ALK: variants seen among roughly 807,000 people sequenced by gnomAD.
ALK encodes ALK receptor tyrosine kinase, also known as ALK tyrosine kinase receptor.
In ALK, 74 loss-of-function variants were observed where a neutral mutation model predicts 163.1. The ratio of observed to expected loss-of-function variants is 0.45; its 90% confidence interval spans 0.38 to 0.55. The LOEUF (loss-of-function observed/expected upper bound fraction) is 0.55, where lower values mean the gene tolerates loss of function less well. Ranked by LOEUF, ALK falls within the 20% of genes least tolerant of loss-of-function variation. The pLI is 0.00. For missense variants in ALK, 2,063 were observed against 2,105.3 expected (o/e 0.98, Z 0.39); for synonymous variants, 960 against 843.2 (o/e 1.14, Z -2.40).
At chr2:29,744,291 A>T (rs2541190) in intron 1 of ALK, among the ~76,000 whole-genome samples, 95,290 of 152,060 alleles carry the variant, frequency 0.63, 34,448 homozygotes, top group East Asian at 0.82. Context: ...CTCTGGGTCT[A>T]CAGTGGTGGG....
intron 1 of ALK, among the ~76,000 whole-genome samples, chr2:29,733,636 C>T (rs948677446): frequency 3.7e-4 from 57 of 152,310 alleles, no homozygotes; most frequent in African/African-American, 1.3e-3. Context: ...AGTAAGTGTT[C>T]AGTCAATGTG....
intron 4 of ALK, among the ~76,000 whole-genome samples, chr2:29,390,467 C>T (rs952530311): frequency 6.6e-6 from 1 of 151,932 alleles, no homozygotes; most frequent in Non-Finnish European, 1.5e-5. Flanking sequence ...TGTGTCTTTG[C>T]TAAGAATCTC....
chr2:29,315,051 C>G (rs1034675536), intron 8 of ALK, among the ~76,000 whole-genome samples: 15 of 152,160 alleles, frequency 9.9e-5, no homozygotes, highest in Non-Finnish European at 4.4e-5. Context: ...AAAATAACAT[C>G]AGAATATATT....
intron 3 of ALK, among the ~76,000 whole-genome samples, chr2:29,643,337 C>T (rs1042139204): frequency 4.6e-5 from 7 of 152,060 alleles, no homozygotes; most frequent in Non-Finnish European, 8.8e-5. Context: ...CTGAACATAA[C>T]AAAGTTGACT....
intron 1 of ALK, among the ~76,000 whole-genome samples, chr2:29,875,209 A>T (rs975069373): frequency 6.6e-6 from 1 of 152,350 alleles, no homozygotes; most frequent in African/African-American, 2.4e-5. Flanking sequence ...ATTCTGATAC[A>T]TGCAAATAAA....
intron 1 of ALK, among the ~76,000 whole-genome samples, chr2:29,903,465 T>C (rs946803688): frequency 1.3e-5 from 2 of 152,166 alleles, no homozygotes; most frequent in Non-Finnish European, 2.9e-5. Context: ...CACTCCCTTG[T>C]CCCTCAGTCC....
chr2:29,213,020 T>C (rs1262728269), intron 24 of ALK, among the ~76,000 whole-genome samples: 3 of 152,228 alleles, frequency 2.0e-5, no homozygotes, highest in Non-Finnish European at 4.4e-5. Flanking sequence ...TTACAACATC[T>C]CTCATTTTCT....
chr2:29,752,877 A>G (rs1267665697), intron 1 of ALK, among the ~76,000 whole-genome samples: 1 of 152,124 alleles, frequency 6.6e-6, no homozygotes, highest in East Asian at 1.9e-4. Flanking sequence ...TGAGACACAC[A>G]AGATTTTGGA....
chr2:29,703,607 C>T (rs895101776), intron 2 of ALK, among the ~76,000 whole-genome samples: 3 of 152,182 alleles, frequency 2.0e-5, no homozygotes, highest in African/African-American at 7.2e-5. Flanking sequence ...TTTGCATAAC[C>T]ATGCCTTTTG....
chr2:29,590,200 T>C (rs1425202102), intron 3 of ALK, among the ~76,000 whole-genome samples: 1 of 152,222 alleles, frequency 6.6e-6, no homozygotes, highest in Admixed American at 6.5e-5. Context: ...ACGCAACTAT[T>C]TAATTTCTCT....
At chr2:29,488,161 G>A (rs367715037) in intron 4 of ALK, among the ~76,000 whole-genome samples, 46 of 152,166 alleles carry the variant, frequency 3.0e-4, no homozygotes, top group African/African-American at 9.9e-4. Flanking sequence ...GACAAAGCAC[G>A]TGCTATTTAT....
intron 5 of ALK, among the ~76,000 whole-genome samples, chr2:29,378,007 C>A (rs1423852227): frequency 6.6e-6 from 1 of 152,184 alleles, no homozygotes; most frequent in Non-Finnish European, 1.5e-5. Context: ...GCCTGGGAAA[C>A]CTCAGATGTG....
chr2:29,671,427 GGAGACGGCA>G (rs951842768), intron 3 of ALK, among the ~76,000 whole-genome samples: 1 of 152,034 alleles, frequency 6.6e-6, no homozygotes, highest in African/African-American at 2.4e-5. Context: ...TTCCATGGCT[GGAGACGGCA>G]GTCCTACCTT....
intron 9 of ALK, among the ~76,000 whole-genome samples, chr2:29,280,973 G>A (rs747602180): frequency 6.6e-6 from 1 of 151,646 alleles, no homozygotes; most frequent in African/African-American, 2.4e-5. Context: ...CTCTCGGACC[G>A]AGGGAAAGTT....
chr2:29,309,070 T>C lies in ALK; in HGVS notation c.1647+9234A>G, dbSNP rs189959630. The stretch of plus-strand genomic sequence containing the variant: ...TCTCTGTGTATGATGGAGATGACAC[T>C]GAGGAGTAGCTTTGTAATCTGACTG... On this transcript the variant is annotated intron_variant, in intron 8 of 28. Coordinates refer to ENST00000389048, the MANE Select transcript of ALK (RefSeq NM_004304.5). 2.2e-4 allele frequency among the ~76,000 whole-genome samples: 34 copies of C among 152,272 alleles called. 1 individual carries two copies. In the South Asian group the frequency reaches 5.0e-3, roughly 22 times the overall value.
chr2:29,326,921 C>T (rs1416096174), intron 6 of ALK, among the ~76,000 whole-genome samples: 1 of 152,200 alleles, frequency 6.6e-6, no homozygotes, highest in Non-Finnish European at 1.5e-5. Flanking sequence ...GTCTGGGCCC[C>T]ACCCCAGGCA....
chr2:29,730,254 T>C (rs1249486643), intron 1 of ALK, among the ~76,000 whole-genome samples: 3 of 152,106 alleles, frequency 2.0e-5, no homozygotes, highest in Non-Finnish European at 4.4e-5. Context: ...GATACACTAG[T>C]GTGTACCCTC....
chr2:29,290,155 A>AG (rs1384351275), intron 9 of ALK, among the ~76,000 whole-genome samples: 2 of 152,194 alleles, frequency 1.3e-5, no homozygotes, highest in African/African-American at 4.8e-5. Flanking sequence ...GAGGGGAGGA[A>AG]GGACCTCCAC....
intron 2 of ALK, among the ~76,000 whole-genome samples, chr2:29,698,630 G>A (rs1678641918): frequency 6.6e-6 from 1 of 152,204 alleles, no homozygotes; most frequent in Non-Finnish European, 1.5e-5. Flanking sequence ...GTATACAACA[G>A]ACAGACAGTG....
Sources: allele counts gnomAD v4.1 joint callset (sites outside exome capture counted in the v4.1 genomes callset), GRCh38; gene constraint gnomAD v4.1.1; transcripts MANE v1.5; gene names NCBI Gene and HGNC (gene_info 2026-07-23, HGNC 2026-07-21).